The following BCAS3 variants were observed in gnomAD, a reference collection of about 807,000 sequenced individuals.
The protein encoded by BCAS3 is BCAS4/BCAS3 fusion.
In BCAS3, 53 loss-of-function variants were observed where a neutral mutation model predicts 116.1. That is an observed-to-expected ratio of 0.46 (90% CI 0.37 to 0.57). The LOEUF (loss-of-function observed/expected upper bound fraction) is 0.57. BCAS3 is among the 20% of genes least tolerant of loss of function. The probability of loss-of-function intolerance (pLI) is 0.00; values close to 1 mark genes in which losing one functional copy is unlikely to be tolerated. For missense variants in BCAS3, 917 were observed against 1,165.4 expected, an observed-to-expected ratio of 0.79 and a Z score of 3.10; for synonymous variants, 391 against 408.2, an observed-to-expected ratio of 0.96 and a Z score of 0.51.
rs139766432 is a variant in BCAS3, at chr17:61,243,826, A to G, written c.2426-124501A>G. ...TAAAGAGTTGGAATCTGCTCTGTCA[A>G]CCAGGCTGGAGTGCGCTGGTATGAC... On this transcript the variant is annotated intron_variant, in intron 22 of 23. Transcript: ENST00000407086. This position sits in a 1 kb window ranked among gnomAD's most constrained non-coding sequence, Gnocchi z 5.6. 2.0e-5 allele frequency among the ~76,000 whole-genome samples: 3 copies of G among 152,314 alleles called. No individual in the cohort carries two copies. Among genetic ancestry groups the G allele is most frequent in the African/African-American group, 4.8e-5 (2 of 41,582 alleles).
intron 22 of BCAS3, among the ~76,000 whole-genome samples, chr17:61,260,518 C>T (rs2049109834): frequency 6.6e-6 from 1 of 152,164 alleles, no homozygotes; most frequent in East Asian, 1.9e-4. Context: ...GAGTGAGAGA[C>T]ATGAAGGCTG....
chr17:61,303,850 A>G (rs2053635246), intron 22 of BCAS3, among the ~76,000 whole-genome samples: 1 of 152,182 alleles, frequency 6.6e-6, no homozygotes, highest in Admixed American at 6.5e-5. Context: ...TGACCCCAGC[A>G]CCAAGTCTTG....
intron 5 of BCAS3, among the ~76,000 whole-genome samples, chr17:60,742,426 CTTTTTT>C (rs1173664552): frequency 3.9e-5 from 4 of 103,450 alleles, no homozygotes; most frequent in South Asian, 3.3e-4. Context: ...TCCTTGACAT[CTTTTTT>C]TTTTTTTTTT....
At chr17:61,179,600 G>A (rs1731980217) in intron 22 of BCAS3, among the ~76,000 whole-genome samples, 1 of 152,146 alleles carries the variant, frequency 6.6e-6, no homozygotes, top group South Asian at 2.1e-4. Flanking sequence ...GCTTTACTAA[G>A]GCTTAATCTG....
At position 60,924,516 on chromosome 17, in the gene BCAS3, G is replaced by C; in HGVS notation, c.1087+16G>C. 1.6e-6 allele frequency: 2 copies of C among 1,259,440 alleles called. No homozygotes were observed. Among genetic ancestry groups the C allele is most frequent in the Non-Finnish European group, 2.2e-6 (2 of 922,518 alleles). 78.0% of individuals were successfully genotyped at this position (1,259,440 alleles called of 1,614,324 possible). ...AATACAAGTGGTAAGTTCGCTCTCT[G>C]TCTTTTTTTTTTTTTTTTTTGTAGA... is the stretch of plus-strand genomic sequence containing the variant. On this transcript the variant is annotated intron_variant, in intron 13 of 23. Transcript: ENST00000407086.
At chr17:61,342,751 C>CT (rs113701578) in intron 22 of BCAS3, among the ~76,000 whole-genome samples, 1,421 of 137,028 alleles carry the variant, frequency 0.01, 15 homozygotes, top group African/African-American at 0.022. Context: ...ATTTTCTTTT[C>CT]TTTTTTTTTT....
intron 19 of BCAS3, among the ~76,000 whole-genome samples, chr17:61,074,276 G>A (rs2071740267): frequency 2.0e-5 from 3 of 151,788 alleles, no homozygotes; most frequent in African/African-American, 7.3e-5. Context: ...CATGGAGACA[G>A]ACAGAGTGAG....
At chr17:60,786,227 A>G (rs2046272494) in intron 6 of BCAS3, among the ~76,000 whole-genome samples, 1 of 152,148 alleles carries the variant, frequency 6.6e-6, no homozygotes, top group African/African-American at 2.4e-5. Flanking sequence ...ATATAGTATG[A>G]GGGAGCCCGG....
intron 22 of BCAS3, among the ~76,000 whole-genome samples, chr17:61,216,692 C>A (rs982755770): frequency 6.6e-6 from 1 of 150,796 alleles, no homozygotes; most frequent in Non-Finnish European, 1.5e-5. Context: ...TACAGGCACC[C>A]GCCACCACGC....
At chr17:61,191,627 T>C (rs572092896) in intron 22 of BCAS3, among the ~76,000 whole-genome samples, 14 of 151,416 alleles carry the variant, frequency 9.2e-5, no homozygotes, top group African/African-American at 3.4e-4. Context: ...TACAAAAAAT[T>C]AGACAGGTGT....
At chr17:61,009,933 G>A (rs1041059468) in intron 15 of BCAS3, among the ~76,000 whole-genome samples, 1 of 151,944 alleles carries the variant, frequency 6.6e-6, no homozygotes, top group African/African-American at 2.4e-5. Context: ...TTCCACAAAT[G>A]TCCAAGTTTG....
Position 61,265,357 on chromosome 17 carries a change from T to G in BCAS3, c.2426-102970T>G, listed in dbSNP as rs1284420228. On this transcript the variant is annotated intron_variant, in intron 22 of 23. Coordinates refer to ENST00000407086, the MANE Select transcript of BCAS3 (RefSeq NM_017679.5). This position sits in a 1 kb window ranked among gnomAD's most constrained non-coding sequence, Gnocchi z 4.3. ...AGGCAGAGGTTGCAGTGAGCCGAGA[T>G]CGCACCATTGCACTCCAGCCTGGGT... is the stretch of plus-strand genomic sequence containing the variant. Among the ~76,000 whole-genome samples the G allele has an allele frequency of 6.6e-6, 1 of 150,602 alleles. No individual in the cohort carries two copies.
intron 7 of BCAS3, among the ~76,000 whole-genome samples, chr17:60,819,318 A>G (rs2049722748): frequency 6.6e-6 from 1 of 152,200 alleles, no homozygotes; most frequent in Non-Finnish European, 1.5e-5. Flanking sequence ...GGTTAAGAGT[A>G]GTCTGTCAGT....
intron 22 of BCAS3, among the ~76,000 whole-genome samples, chr17:61,114,490 T>C (rs2075298532): frequency 6.7e-6 from 1 of 149,922 alleles, no homozygotes; most frequent in Non-Finnish European, 1.5e-5. Context: ...CCATTCACAA[T>C]TGCTTCAAAG....
intron 4 of BCAS3, among the ~76,000 whole-genome samples, chr17:60,700,423 G>A (rs2036240825): frequency 6.6e-6 from 1 of 152,196 alleles, no homozygotes; most frequent in African/African-American, 2.4e-5. Flanking sequence ...AAGGGACCCT[G>A]GAGGAAAATC....
chr17:61,183,151 T>A (rs1263211982), intron 22 of BCAS3, among the ~76,000 whole-genome samples: 1 of 152,196 alleles, frequency 6.6e-6, no homozygotes, highest in Non-Finnish European at 1.5e-5. Flanking sequence ...TTTTTTTGTT[T>A]TTCCTGAAGA....
Position 61,235,186 on chromosome 17 carries a change from T to G in BCAS3, c.2426-133141T>G, listed in dbSNP as rs1306491475. 1.3e-5 allele frequency among the ~76,000 whole-genome samples: 2 copies of G among 152,152 alleles called. No homozygotes were observed. The highest frequency in any genetic ancestry group is 2.9e-5 in the Non-Finnish European group (2 of 68,028). ...ATAGGCGTGAACCACCACGCCTGGC[T>G]GTCTGCCCCCCGCCTGTCCTAAGCA... is the stretch of plus-strand genomic sequence containing the variant. On this transcript the variant is annotated intron_variant, in intron 22 of 23. Transcript: ENST00000407086. The surrounding 1 kb of genome is among the most constrained non-coding windows in gnomAD (Gnocchi z 5.0).
At chr17:61,109,539 G>A (rs1479537226) in intron 22 of BCAS3, among the ~76,000 whole-genome samples, 2 of 152,190 alleles carry the variant, frequency 1.3e-5, no homozygotes, top group Non-Finnish European at 2.9e-5. Flanking sequence ...TTTCCATACT[G>A]GTTGTACAAG....
rs1017084571 is a variant in BCAS3, at chr17:61,065,790, G to C, written c.2030-9130G>C. The stretch of plus-strand genomic sequence containing the variant: ...CCATATAAAACTCAGCTGCCAGTAG[G>C]ACCCAGTAAACTCACTTGTCCAGAT... On this transcript the variant is annotated intron_variant, in intron 19 of 23. Transcript: ENST00000407086. This position sits in a 1 kb window ranked among gnomAD's most constrained non-coding sequence, Gnocchi z 4.8. Among the ~76,000 whole-genome samples, 1 of 152,110 alleles carries C rather than the reference G, an allele frequency of 6.6e-6. No individual in the cohort carries two copies. Among genetic ancestry groups the C allele is most frequent in the Non-Finnish European group, 1.5e-5 (1 of 68,022 alleles).
Sources: gnomAD v4.1 joint callset for allele counts (sites outside exome capture counted in the v4.1 genomes callset) on GRCh38, gnomAD v4.1.1 for gene constraint, Gnocchi (gnomAD v3.1) non-coding constraint, MANE v1.5 for transcripts, NCBI Gene and HGNC (gene_info 2026-07-23, HGNC 2026-07-21) for gene names.